The following THBS4 variants were observed in gnomAD, a reference collection of about 807,000 sequenced individuals.
THBS4 encodes the protein thrombospondin-4.
In THBS4, 90 loss-of-function variants were observed where a neutral mutation model predicts 115.7. The observed-to-expected ratio is 0.78, with a 90% CI of 0.66 to 0.93. The LOEUF (loss-of-function observed/expected upper bound fraction) is 0.93, where lower values mean the gene tolerates loss of function less well. Ranked by LOEUF, THBS4 falls within the 40% of genes least tolerant of loss-of-function variation. The probability of loss-of-function intolerance (pLI) is 0.00; values close to 1 mark genes in which losing one functional copy is unlikely to be tolerated. For missense variants in THBS4, 1,087 were observed against 1,232.7 expected (o/e 0.88, Z 1.77); for synonymous variants, 460 against 479.3 (o/e 0.96, Z 0.53).
chr5:80,018,193 G>C (rs2151157222), intron 2 of THBS4, among the ~76,000 whole-genome samples: 1 of 151,896 alleles, frequency 6.6e-6, no homozygotes, highest in South Asian at 2.1e-4. Flanking sequence ...TAGGTGTATG[G>C]ACTTTTTCAA....
At chr5:80,075,456 G>GGACAGTATCACAGTACAA (rs1743157405) in intron 15 of THBS4, 1 of 152,166 alleles carries the variant, frequency 6.6e-6, no homozygotes, top group Non-Finnish European at 1.5e-5. Flanking sequence ...TACAAGGAAA[G>GGACAGTATCACAGTACAA]GCACATCAGC....
rs1301217644 is a variant in THBS4 at position 80,078,225 on chromosome 5, C to T, written c.2263C>T (p.Gln755Ter). 1 of 1,578,280 alleles carries T rather than the reference C, an allele frequency of 6.3e-7. No individual in the cohort carries two copies. The highest frequency in any genetic ancestry group is 2.3e-5 in the East Asian group (1 of 43,770). ...CGATCCCAACTGGGTGGTCCTGAAC[C>T]AGGTGAGTGTCACATGGGCGGCAAT... Reference protein sequence around the residue: ...QIDPNWVVLNQGMEIVQTMNS... With the variant: ...QIDPNWVVLN The change falls in exon 17 of 22, where the codon CAG (glutamine) becomes TAG (stop). Residue 755 changes from glutamine (Q) to a stop codon, truncating the protein, a stop_gained and splice_region_variant. Coordinates refer to ENST00000350881, the MANE Select transcript of THBS4 (RefSeq NM_003248.6). LOFTEE classifies it high-confidence loss of function.
chr5:80,062,803 C>A (rs1030245293), intron 8 of THBS4, among the ~76,000 whole-genome samples: 2 of 152,100 alleles, frequency 1.3e-5, no homozygotes, highest in East Asian at 1.9e-4. Flanking sequence ...TCTATCCTTG[C>A]GATAGTTTGC....
At chr5:80,066,348 A>G (rs1396347079) in intron 9 of THBS4, 1 of 152,258 alleles carries the variant, frequency 6.6e-6, no homozygotes, top group Non-Finnish European at 1.5e-5. Context: ...AACACTTTAC[A>G]TTTATCAAGT....
chr5:80,013,694 A>G (rs1832191674), intron 2 of THBS4, among the ~76,000 whole-genome samples: 1 of 152,144 alleles, frequency 6.6e-6, no homozygotes, highest in African/African-American at 2.4e-5. Context: ...TTTAAACCCC[A>G]GCTCTACCAT....
chr5:80,043,150 A>G (rs759111898), intron 2 of THBS4, among the ~76,000 whole-genome samples: 1 of 152,224 alleles, frequency 6.6e-6, no homozygotes, highest in Non-Finnish European at 1.5e-5. Context: ...AGAGGGATTT[A>G]TGCTGTTATT....
At position 80,079,994 on chromosome 5, in the gene THBS4, G is replaced by A; in HGVS notation, c.2601G>A (p.Trp867Ter). 1 of 1,614,150 alleles carries A rather than the reference G, an allele frequency of 6.2e-7. No individual in the cohort carries two copies. Among genetic ancestry groups the A allele is most frequent in the Non-Finnish European group, 8.5e-7 (1 of 1,180,010 alleles). Residue 867 changes from tryptophan to a stop codon, truncating the protein, a stop_gained, in exon 20 of 22, where the codon TGG becomes TGA. Transcript: ENST00000350881. LOFTEE classifies it high-confidence loss of function. ...GDTSDQVRLL[W>*]KDSRNVGWKD... Reference sequence around the variant, plus strand: ...CCAGTGACCAGGTCAGGCTGCTGTGGAAGGACTCCAGGAATGTGGGCTGGA... The same window carrying A: ...CCAGTGACCAGGTCAGGCTGCTGTGAAAGGACTCCAGGAATGTGGGCTGGA...
At chr5:80,073,386 G>GTTTTTT in intron 15 of THBS4, 59 bp downstream of exon 15, 1 of 1,392,240 alleles carries the variant, frequency 7.2e-7, no homozygotes, top group Non-Finnish European at 9.8e-7. Flanking sequence ...AGGGTTTTTG[G>GTTTTTT]TTTGTTTTTT....
chr5:79,994,338 C>G (rs11743088), intron 1 of THBS4, among the ~76,000 whole-genome samples: 1 of 152,156 alleles, frequency 6.6e-6, no homozygotes, highest in East Asian at 1.9e-4. Flanking sequence ...AGTTTATACT[C>G]TTAACCACTG....
Position 80,035,669 on chromosome 5 carries a change from G to A in THBS4, c.88+44G>A. 7.9e-7 allele frequency: 1 copy of A among 1,266,158 alleles called. No individual in the cohort carries two copies. The highest frequency in any genetic ancestry group is 2.3e-5 in the South Asian group (1 of 44,306). The allele number at this position is 1,266,158 out of a possible 1,614,324, so 78.4% of individuals were successfully genotyped here. On this transcript the variant is annotated intron_variant, in intron 1 of 21. Coordinates refer to ENST00000350881, the MANE Select transcript of THBS4 (RefSeq NM_003248.6). This position sits in a 1 kb window ranked among gnomAD's most constrained non-coding sequence, Gnocchi z 4.6. Reference sequence around the variant, plus strand: ...GGCCTGGGAGCGCCGGGCACCGGGTGCCCCATCTGCTGAGTGAGTGGAGGG... The same window carrying A: ...GGCCTGGGAGCGCCGGGCACCGGGTACCCCATCTGCTGAGTGAGTGGAGGG...
chr5:80,063,993 A>G (rs1040573205), intron 8 of THBS4, among the ~76,000 whole-genome samples: 3 of 152,108 alleles, frequency 2.0e-5, no homozygotes, highest in African/African-American at 7.2e-5. Flanking sequence ...GGCTTTTACC[A>G]CCTGTGTGGA....
At chr5:80,044,288 A>T (rs1183639158) in intron 2 of THBS4, among the ~76,000 whole-genome samples, 1 of 152,222 alleles carries the variant, frequency 6.6e-6, no homozygotes, top group Admixed American at 6.5e-5. Context: ...CCTTGTACAT[A>T]GAAGTAGTTC....
At chr5:80,031,297 G>A (rs1832582973), upstream of THBS4, among the ~76,000 whole-genome samples, 1 of 152,170 alleles carries the variant, frequency 6.6e-6, no homozygotes, top group African/African-American at 2.4e-5. Flanking sequence ...TGCCAAGGAA[G>A]GAGCACCTAG....
At position 80,071,154 on chromosome 5, in the gene THBS4, C is replaced by T; in HGVS notation, c.1694C>T (p.Ala565Val). 1 of 1,589,330 alleles carries T rather than the reference C, an allele frequency of 6.3e-7. No homozygotes were observed. Among genetic ancestry groups the T allele is most frequent in the Non-Finnish European group, 8.5e-7 (1 of 1,172,432 alleles). ...ACCGATGGGGATGGAAGAGGAGATG[C>T]CTGTGATGATGACATGGATGGAGAT... is the stretch of plus-strand genomic sequence containing the variant. ...KDTDGDGRGDACDDDMDGDGI... is the reference protein window; with the variant it reads ...KDTDGDGRGDVCDDDMDGDGI... Residue 565 changes from alanine (A) to valine (V), a missense_variant, in exon 13 of 22, where the codon GCC becomes GTC. Ala to Val is a moderately conservative substitution (Grantham distance 64). Transcript: ENST00000350881.
chr5:80,073,453 G>A (rs1040907651), intron 15 of THBS4, 126 bp downstream of exon 15: 15 of 813,562 alleles, frequency 1.8e-5, no homozygotes, highest in African/African-American at 3.5e-5. Context: ...GTGCAATCTC[G>A]GCTCACTGCA....
chr5:79,991,864 G>A (rs1373418681), intron 1 of THBS4, among the ~76,000 whole-genome samples: 1 of 152,186 alleles, frequency 6.6e-6, no homozygotes, highest in South Asian at 2.1e-4. Context: ...TACAAAGTTA[G>A]GAGCTCTGGG....
intron 1 of THBS4, among the ~76,000 whole-genome samples, chr5:80,039,716 T>C (rs1299713371): frequency 6.6e-6 from 1 of 152,250 alleles, no homozygotes; most frequent in Admixed American, 6.5e-5. Flanking sequence ...AGTAAAGCAA[T>C]GGCTTGGATG....
chr5:80,027,732 C>CA (rs199797654), intron 2 of THBS4, among the ~76,000 whole-genome samples: 2,450 of 148,830 alleles, frequency 0.016, 37 homozygotes, highest in Non-Finnish European at 0.026. Flanking sequence ...CCCATTTCGA[C>CA]AAAAAAAAAT....
At chr5:79,997,844 A>C (rs960700909) in intron 1 of THBS4, among the ~76,000 whole-genome samples, 1 of 152,244 alleles carries the variant, frequency 6.6e-6, no homozygotes, top group African/African-American at 2.4e-5. Flanking sequence ...TAACAGAAAG[A>C]TAACAGTAAA....
Sources: allele counts gnomAD v4.1 joint callset (sites outside exome capture counted in the v4.1 genomes callset), GRCh38; gene constraint gnomAD v4.1.1; non-coding constraint Gnocchi (gnomAD v3.1); transcripts MANE v1.5; gene names NCBI Gene and HGNC (gene_info 2026-07-23, HGNC 2026-07-21).